Variants in AP3D1 observed in about 807,000 individuals in gnomAD.
AP3D1 encodes AP-3 complex subunit delta-1.
A neutral mutation model predicts 147.6 loss-of-function variants in AP3D1; 51 were observed. That is an observed-to-expected ratio of 0.35 (90% CI 0.28 to 0.44). AP3D1 has a LOEUF of 0.44. Ranked by LOEUF, AP3D1 falls within the 20% of genes least tolerant of loss-of-function variation. AP3D1 has a pLI of 1.00. For missense variants in AP3D1, 1,421 were observed against 1,624.2 expected, an observed-to-expected ratio of 0.87 and a Z score of 2.15; for synonymous variants, 760 against 663.0, an observed-to-expected ratio of 1.15 and a Z score of -2.25.
At position 2,111,268 on chromosome 19, in the gene AP3D1, G is replaced by A. The variant is rs749976524; in HGVS notation, c.2985+17C>T. On this transcript the variant is annotated intron_variant, in intron 26 of 31. Transcript: ENST00000643116. ...GTGGGCTGGCCCACCCTGCCCCTGG[G>A]AGCGGCTGCCACTCACCATTTTAAC... 96 of 1,613,822 alleles carry A rather than the reference G, an allele frequency of 5.9e-5. 2 individuals are homozygous for A. In the Middle Eastern group the frequency reaches 4.5e-3, roughly 76 times the overall value.
At chr19:2,164,328 A>C (rs2144621216) in intron 1 of AP3D1, 2 of 1,146,734 alleles carry the variant, frequency 1.7e-6, no homozygotes, top group Admixed American at 4.3e-5. Flanking sequence ...CCCTGGGGAC[A>C]CCCCAAACCC....
intron 1 of AP3D1, chr19:2,164,308 C>T (rs1349422407): frequency 2.5e-6 from 3 of 1,221,356 alleles, no homozygotes; most frequent in Middle Eastern, 2.6e-4. Flanking sequence ...GGCCTCCCCT[C>T]CTCCGCCGCC....
chr19:2,105,298 A>G (rs1288692105), intron 31 of AP3D1, among the ~76,000 whole-genome samples: 9 of 152,196 alleles, frequency 5.9e-5, no homozygotes. Flanking sequence ...TCTCTGCAGC[A>G]CTGTGACATG....
At chr19:2,102,773 AAATAAAT>A (rs1568269707) in intron 31 of AP3D1, among the ~76,000 whole-genome samples, 24 of 128,370 alleles carry the variant, frequency 1.9e-4, no homozygotes, top group East Asian at 1.1e-3. Context: ...ATAAATAAAT[AAATAAAT>A]AAAATAAAAA....
chr19:2,140,592 A>G (rs1339110760), intron 1 of AP3D1, among the ~76,000 whole-genome samples: 1 of 150,370 alleles, frequency 6.7e-6, no homozygotes, highest in African/African-American at 2.5e-5. Flanking sequence ...CCTCCCCGCT[A>G]GCCTCCCAAA....
chr19:2,147,004 AG>A, intron 1 of AP3D1, among the ~76,000 whole-genome samples: 1 of 150,448 alleles, frequency 6.6e-6, no homozygotes, highest in Middle Eastern at 3.4e-3. Flanking sequence ...GGTGAGGGGC[AG>A]ACGCTGATCT....
intron 26 of AP3D1, 80 bp downstream of exon 26, chr19:2,111,205 G>T: frequency 1.3e-6 from 2 of 1,549,544 alleles, no homozygotes; most frequent in Non-Finnish European, 8.9e-7. Flanking sequence ...GGAGCTGTGG[G>T]GGCTGCCCGG....
intron 8 of AP3D1, among the ~76,000 whole-genome samples, chr19:2,128,027 C>T (rs991667171): frequency 5.3e-5 from 8 of 152,216 alleles, no homozygotes; most frequent in African/African-American, 1.7e-4. Context: ...GTACTAATGA[C>T]ACCCTTCTGT....
intron 20 of AP3D1, 134 bp from the exon 21 acceptor site, chr19:2,114,955 G>T: frequency 9.9e-7 from 1 of 1,006,578 alleles, no homozygotes; most frequent in Non-Finnish European, 1.5e-6. Context: ...TCCACCAGAG[G>T]CTCCGCTCAG....
Position 2,118,670 on chromosome 19 carries a change from G to C in AP3D1, c.1644C>G (p.Ala548=). ...EQAGEAEGAQ[A]VTQLMVDRLP... is the part of the protein sequence containing the mutation. Reference sequence around the variant, plus strand: ...GCCGGTCCACCATGAGCTGGGTGACGGCCTGAGCGCCCTCTGCCTCCCCGG... The same window carrying C: ...GCCGGTCCACCATGAGCTGGGTGACCGCCTGAGCGCCCTCTGCCTCCCCGG... The change falls in exon 15 of 32, where the codon GCC becomes GCG. Residue 548 remains alanine (A), a synonymous_variant. Transcript: ENST00000643116. 6.2e-7 allele frequency: 1 copy of C among 1,613,030 alleles called. No homozygotes were observed. The highest frequency in any genetic ancestry group is 8.5e-7 in the Non-Finnish European group (1 of 1,180,012).
chr19:2,130,514 G>A lies in AP3D1; in HGVS notation c.486C>T (p.Ile162=). 6.2e-7 allele frequency: 1 copy of A among 1,614,064 alleles called. No individual in the cohort carries two copies. Among genetic ancestry groups the A allele is most frequent in the South Asian group, 1.1e-5 (1 of 91,088 alleles). The change falls in exon 6 of 32, where the codon ATC becomes ATT. Residue 162 remains isoleucine (I), a synonymous_variant. Transcript: ENST00000643116. ...MTLMSHTKPY[I]RKKAVLIMYK... ...ACATGATCAGCACAGCCTTCTTCCT[G>A]ATGTAGGGCTTGGTGTGTGACATCT...
At chr19:2,111,074 G>T in intron 26 of AP3D1, 178 bp from the exon 27 acceptor site, 1 of 914,148 alleles carries the variant, frequency 1.1e-6, no homozygotes, top group Non-Finnish European at 1.6e-6. Flanking sequence ...TTGAGTGCAT[G>T]GCGGGGACCC....
chr19:2,138,568 G>A (rs1370359172), intron 2 of AP3D1, 51 bp downstream of exon 2: 3 of 1,362,466 alleles, frequency 2.2e-6, no homozygotes, highest in Non-Finnish European at 3.1e-6. Flanking sequence ...CACGTGCTGA[G>A]TGGAGAAGCA....
At chr19:2,126,819 G>T (rs769135091) in intron 9 of AP3D1, among the ~76,000 whole-genome samples, 7 of 152,126 alleles carry the variant, frequency 4.6e-5, no homozygotes, top group Admixed American at 3.9e-4. Context: ...AGCAGGGGCC[G>T]GCATCTGTGG....
At chr19:2,117,075 C>G in intron 16 of AP3D1, 147 bp downstream of exon 16, 1 of 1,046,876 alleles carries the variant, frequency 9.6e-7, no homozygotes, top group Admixed American at 3.1e-5. Context: ...CTGGTGAGTC[C>G]GTGTGAGGGA....
chr19:2,117,069 T>C lies in AP3D1; in HGVS notation c.1859+153A>G, dbSNP rs2018476673. 3.3e-5 allele frequency: 33 copies of C among 988,944 alleles called. No homozygotes were observed. In the South Asian group the frequency reaches 5.7e-4, roughly 17 times the overall value. The allele number at this position is 988,944 out of a possible 1,614,324, so 61.3% of individuals were successfully genotyped here. A position where few individuals can be genotyped will look rare whatever the true frequency, so the allele number is the denominator to read the frequency against. On this transcript the variant is annotated intron_variant, in intron 16 of 31. Coordinates refer to ENST00000643116, the MANE Select transcript of AP3D1 (RefSeq NM_001261826.3). ...ATCCCAGAACCAGTGAGAGACCTGG[T>C]GAGTCCGTGTGAGGGATATACCCGC... is the stretch of plus-strand genomic sequence containing the variant.
intron 4 of AP3D1, among the ~76,000 whole-genome samples, chr19:2,133,878 G>A (rs902440512): frequency 2.6e-5 from 4 of 151,744 alleles, no homozygotes; most frequent in Non-Finnish European, 4.4e-5. Flanking sequence ...GGGAGTCTGA[G>A]GCGGGAAGAT....
intron 1 of AP3D1, among the ~76,000 whole-genome samples, chr19:2,141,436 C>CTTT (rs571171291): frequency 7.7e-6 from 1 of 130,502 alleles, no homozygotes; most frequent in Non-Finnish European, 1.7e-5. Context: ...CCCTGGGGTA[C>CTTT]TTTTTTTTTT....
upstream of AP3D1, among the ~76,000 whole-genome samples, chr19:2,154,286 CTT>C (rs35367011): frequency 1.9e-4 from 26 of 138,196 alleles, no homozygotes; most frequent in Non-Finnish European, 2.3e-4. Context: ...TTTTTTTTTT[CTT>C]TTTTTTTTTT....
Sources: allele counts gnomAD v4.1 joint callset (sites outside exome capture counted in the v4.1 genomes callset), GRCh38; gene constraint gnomAD v4.1.1; transcripts MANE v1.5; gene names NCBI Gene and HGNC (gene_info 2026-07-23, HGNC 2026-07-21).